TGFB2: variants seen among roughly 807,000 people sequenced by gnomAD.
The protein encoded by TGFB2 is transforming growth factor beta 2.
TGFB2 carries 13 observed loss-of-function variants against 42.7 expected under a neutral mutation model. That is an observed-to-expected ratio of 0.30 (90% CI 0.20 to 0.48). The LOEUF is 0.48. Ranked by LOEUF, TGFB2 falls within the 20% of genes least tolerant of loss-of-function variation. The probability of loss-of-function intolerance (pLI) is 0.99; values close to 1 mark genes in which losing one functional copy is unlikely to be tolerated. For synonymous variants in TGFB2, 193 were observed against 193.6 expected (o/e 1.00, Z 0.03); for missense variants, 390 against 517.5 (o/e 0.75, Z 2.39).
intron 1 of TGFB2, among the ~76,000 whole-genome samples, chr1:218,394,720 G>T (rs576356578): frequency 6.6e-6 from 1 of 152,058 alleles, no homozygotes; most frequent in Non-Finnish European, 1.5e-5. Context: ...AGAAACCACC[G>T]CTGATGCGCT....
At chr1:218,435,902 A>T in intron 4 of TGFB2, 68 bp from the exon 5 acceptor site, 2 of 1,497,590 alleles carry the variant, frequency 1.3e-6, no homozygotes, top group Non-Finnish European at 1.8e-6. Context: ...ACAAAGGAAA[A>T]AAATATGGCT....
chr1:218,405,307 C>T lies in TGFB2; in HGVS notation c.485C>T (p.Pro162Leu), dbSNP rs768202434. ...FRLQNPKARV[P>L]EQRIELYQIL... ...TTGCAGAACCCAAAAGCCAGAGTGC[C>T]TGAACAACGGATTGAGCTATATCAG... The change falls in exon 2 of 7, where the codon CCT becomes CTT. Residue 162 changes from proline (P) to leucine (L), a missense_variant. Coordinates refer to ENST00000366930, the MANE Select transcript of TGFB2 (RefSeq NM_003238.6). 6.2e-7 allele frequency: 1 copy of T among 1,614,068 alleles called. No individual in the cohort carries two copies. The highest frequency in any genetic ancestry group is 8.5e-7 in the Non-Finnish European group (1 of 1,180,022).
At chr1:218,357,454 C>T (rs1657075815) in intron 1 of TGFB2, among the ~76,000 whole-genome samples, 1 of 152,152 alleles carries the variant, frequency 6.6e-6, no homozygotes, top group African/African-American at 2.4e-5. Flanking sequence ...ACATTGCTGT[C>T]CAAGAGGAAT....
At chr1:218,396,537 G>C (rs947806520) in intron 1 of TGFB2, among the ~76,000 whole-genome samples, 1 of 150,000 alleles carries the variant, frequency 6.7e-6, no homozygotes, top group Non-Finnish European at 1.5e-5. Context: ...GAGTTGTTTG[G>C]TTTCTTTTTT....
At chr1:218,422,851 C>G (rs536613333) in intron 2 of TGFB2, among the ~76,000 whole-genome samples, 7 of 152,106 alleles carry the variant, frequency 4.6e-5, no homozygotes, top group African/African-American at 1.7e-4. Context: ...TTGAACTAAA[C>G]TGGAGGAAGT....
At chr1:218,426,848 G>A (rs758388801) in intron 2 of TGFB2, among the ~76,000 whole-genome samples, 61 of 152,210 alleles carry the variant, frequency 4.0e-4, no homozygotes, top group Non-Finnish European at 7.9e-4. Context: ...TTCACATGCT[G>A]AGGCTGAGTT....
intron 2 of TGFB2, among the ~76,000 whole-genome samples, chr1:218,411,469 G>C (rs1659095547): frequency 1.3e-5 from 2 of 152,138 alleles, no homozygotes; most frequent in Admixed American, 1.3e-4. Context: ...CCTCCCCCTA[G>C]ATAGTCTCAG....
intron 1 of TGFB2, among the ~76,000 whole-genome samples, chr1:218,399,188 C>T (rs1658629462): frequency 6.6e-6 from 1 of 152,198 alleles, no homozygotes; most frequent in Non-Finnish European, 1.5e-5. Context: ...TGTGCCAGGC[C>T]TGAAACAATT....
intron 1 of TGFB2, among the ~76,000 whole-genome samples, chr1:218,403,462 T>C (rs1658800449): frequency 6.6e-6 from 1 of 152,232 alleles, no homozygotes; most frequent in Admixed American, 6.5e-5. Flanking sequence ...TTTTCTTCAG[T>C]GTAATCGTCA....
In TGFB2 at chr1:218,442,857, C is replaced by T. The variant is rs1660201424; in HGVS notation, c.*1495C>T. ...AGGATTTAGGGTTCTAACTAAAACT[C>T]AGAATCTTTATTGAGTTAAGAAAAG... On this transcript the variant is annotated 3_prime_UTR_variant, in exon 7 of 7. Coordinates refer to ENST00000366930, the MANE Select transcript of TGFB2 (RefSeq NM_003238.6). 6.6e-6 allele frequency: 1 copy of T among 152,084 alleles called. No individual in the cohort carries two copies. The highest frequency in any genetic ancestry group is 1.9e-4 in the East Asian group (1 of 5,204). 9.4% of individuals were successfully genotyped at this position (152,084 alleles called of 1,614,324 possible).
chr1:218,405,511 T>A, intron 2 of TGFB2, 179 bp downstream of exon 2: 1 of 1,054,748 alleles, frequency 9.5e-7, no homozygotes, highest in African/African-American at 1.6e-5. Context: ...ACTGCAGGAG[T>A]GCACCATCAC....
At chr1:218,434,689 A>G (rs1659915239) in intron 4 of TGFB2, among the ~76,000 whole-genome samples, 1 of 152,234 alleles carries the variant, frequency 6.6e-6, no homozygotes, top group South Asian at 2.1e-4. Flanking sequence ...ATAACTGATT[A>G]ACTCATTAAC....
Position 218,375,092 on chromosome 1 carries a change from C to T in TGFB2, c.346+28045C>T, listed in dbSNP as rs10482748. ...CTGAACGGAGGAAATTCAAGTCTAA[C>T]CCTGGAGGGACCCCTGTTTAGTCAT... On this transcript the variant is annotated intron_variant, in intron 1 of 6. Coordinates refer to ENST00000366930, the MANE Select transcript of TGFB2 (RefSeq NM_003238.6). 4.2e-3 allele frequency among the ~76,000 whole-genome samples: 640 copies of T among 152,242 alleles called. 8 individuals are homozygous for T. Among genetic ancestry groups the T allele is most frequent in the African/African-American group, 0.015 (619 of 41,534 alleles).
At chr1:218,434,481 G>C in intron 4 of TGFB2, 33 bp downstream of exon 4, 1 of 1,345,372 alleles carries the variant, frequency 7.4e-7, no homozygotes, top group Admixed American at 1.7e-5. Flanking sequence ...AGGTGGGGGA[G>C]GGAAGGGTCT....
At chr1:218,380,673 G>T (rs1411957467) in intron 1 of TGFB2, among the ~76,000 whole-genome samples, 3 of 152,100 alleles carry the variant, frequency 2.0e-5, no homozygotes, top group Non-Finnish European at 4.4e-5. Flanking sequence ...ATATTTACCA[G>T]ATTTTTGCTT....
chr1:218,359,421 C>G (rs77992919), intron 1 of TGFB2, among the ~76,000 whole-genome samples: 1 of 152,222 alleles, frequency 6.6e-6, no homozygotes, highest in African/African-American at 2.4e-5. Flanking sequence ...ATTCCACCTA[C>G]TAAACTTACA....
At chr1:218,403,892 A>AT (rs1468401164) in intron 1 of TGFB2, among the ~76,000 whole-genome samples, 2 of 152,112 alleles carry the variant, frequency 1.3e-5, no homozygotes, top group Non-Finnish European at 2.9e-5. Context: ...TGTGTAGGAG[A>AT]TTTTGGAAGA....
In TGFB2 at chr1:218,443,678, T is replaced by C. The variant is rs1020175636; in HGVS notation, c.*2316T>C. 3 of 151,722 alleles carry C rather than the reference T, an allele frequency of 2.0e-5. No individual in the cohort carries two copies. The highest frequency in any genetic ancestry group is 7.3e-5 in the African/African-American group (3 of 41,244). 9.4% of individuals were successfully genotyped at this position (151,722 alleles called of 1,614,324 possible). On this transcript the variant is annotated 3_prime_UTR_variant, in exon 7 of 7. Transcript: ENST00000366930. ...CCTCATGAATGCACTGATAATATTTTAAATGCTCTATTTTAAGATCTCTTG... is the reference window on the plus strand; with the variant it reads ...CCTCATGAATGCACTGATAATATTTCAAATGCTCTATTTTAAGATCTCTTG...
At chr1:218,396,615 AT>A (rs1460008529) in intron 1 of TGFB2, among the ~76,000 whole-genome samples, 2 of 151,928 alleles carry the variant, frequency 1.3e-5, no homozygotes, top group African/African-American at 4.8e-5. Context: ...CCTTGGCTAT[AT>A]AGAAAGTAAG....
Sources: gnomAD v4.1 joint callset for allele counts (sites outside exome capture counted in the v4.1 genomes callset) on GRCh38, gnomAD v4.1.1 for gene constraint, MANE v1.5 for transcripts, NCBI Gene and HGNC (gene_info 2026-07-23, HGNC 2026-07-21) for gene names.